The following TMLHE variants were observed in gnomAD, a reference collection of about 807,000 sequenced individuals.
TMLHE encodes the protein trimethyllysine dioxygenase, mitochondrial.
In TMLHE, 18 loss-of-function variants were observed where a neutral mutation model predicts 25.7. That is an observed-to-expected ratio of 0.70 (90% CI 0.48 to 1.04). The LOEUF is 1.04. TMLHE is among the 50% of genes least tolerant of loss of function. The pLI, the probability that TMLHE is intolerant of heterozygous loss-of-function variation, is 0.00. For synonymous variants in TMLHE, 105 were observed against 97.0 expected (o/e 1.08, Z -0.49); for missense variants, 236 against 259.0 (o/e 0.91, Z 0.61).
intron 1 of TMLHE, among the ~76,000 whole-genome samples, chrX:155,611,028 T>A (rs1451548809): frequency 8.9e-6 from 1 of 111,756 alleles, no homozygotes; most frequent in African/African-American, 3.3e-5. Flanking sequence ...AAATAGCCAA[T>A]GCAAAACTCA....
chrX:155,573,144 C>A (rs1281588269), intron 1 of TMLHE, among the ~76,000 whole-genome samples: 1 of 56,959 alleles, frequency 1.8e-5, no homozygotes, highest in African/African-American at 4.2e-5. Context: ...AAGAAAAAAA[C>A]AAACAACCCC....
At chrX:155,605,376 T>A (rs2067780783) in intron 1 of TMLHE, among the ~76,000 whole-genome samples, 1 of 111,754 alleles carries the variant, frequency 8.9e-6, no homozygotes. Context: ...AGATGCTCCA[T>A]CAAGCTAACA....
At chrX:155,579,251 T>G (rs1369370826) in intron 1 of TMLHE, among the ~76,000 whole-genome samples, 1 of 111,441 alleles carries the variant, frequency 9.0e-6, no homozygotes, top group Non-Finnish European at 1.9e-5. Context: ...TAGAAAAAAA[T>G]TATAAAATTC....
rs185579408 is a variant in TMLHE at position 155,597,353 on chromosome X, C to T, written c.-2+15439G>A. On this transcript the variant is annotated intron_variant, in intron 1 of 7. Coordinates refer to ENST00000334398, the MANE Select transcript of TMLHE (RefSeq NM_018196.4). The stretch of plus-strand genomic sequence containing the variant: ...TTAAAAAGTCAGGAAACAACAGGTG[C>T]TGGAGAGGATGTGGAGAAATAGGAA... Among the ~76,000 whole-genome samples, 754 of 110,768 alleles carry T rather than the reference C, an allele frequency of 6.8e-3. 6 individuals carry two copies. Among genetic ancestry groups the T allele is most frequent in the African/African-American group, 0.023 (715 of 30,434 alleles).
intron 1 of TMLHE, among the ~76,000 whole-genome samples, chrX:155,588,749 T>A (rs1376192818): frequency 9.0e-6 from 1 of 111,315 alleles, no homozygotes; most frequent in African/African-American, 3.3e-5. Flanking sequence ...ACATCCCTAA[T>A]CATCAGGGAA....
intron 1 of TMLHE, among the ~76,000 whole-genome samples, chrX:155,568,017 CCGAAGCAGGGCGAGGCA>C (rs2067517551): frequency 1.1e-4 from 7 of 61,194 alleles, no homozygotes; most frequent in African/African-American, 2.6e-4. Context: ...TGTGCACAAG[CCGAAGCAGGGCGAGGCA>C]TTGCCTCACT....
intron 1 of TMLHE, among the ~76,000 whole-genome samples, chrX:155,591,584 A>G (rs999141264): frequency 1.8e-5 from 2 of 112,085 alleles, no homozygotes; most frequent in East Asian, 5.5e-4. Flanking sequence ...TGAGCTAAAG[A>G]AGAAACCAAG....
At chrX:155,511,516 G>GT (rs2067112878) in intron 5 of TMLHE, among the ~76,000 whole-genome samples, 157 bp downstream of exon 5, 2 of 110,272 alleles carry the variant, frequency 1.8e-5, no homozygotes, top group Admixed American at 9.7e-5. Flanking sequence ...CTGAGTTAAG[G>GT]TATTTCAAAA....
rs1355650922 is a variant in TMLHE, at chrX:155,507,252, T to A, written c.759-118A>T. 1.1e-5 allele frequency: 6 copies of A among 535,289 alleles called. No homozygotes were observed. The East Asian group carries it at 1.8e-4, about 16-fold the overall frequency. The allele number at this position is 535,289 out of a possible 1,213,427, so 44.1% of individuals were successfully genotyped here. On this transcript the variant is annotated intron_variant, in intron 5 of 7. Transcript: ENST00000334398. ...TGTCATTTTCTTTTCATTTCCTAAT[T>A]GGAAATCTCATTTCTTAATTGTTTT...
In TMLHE at chrX:155,549,254, T is replaced by G. The variant is rs1557339603; in HGVS notation, c.-1-3977A>C. ...TGTTTTTTTGCTGCATTGTGCTCAC[T>G]AGTTAGGAGGAGTAAGCATGGACAA... On this transcript the variant is annotated intron_variant, in intron 1 of 7. Coordinates refer to ENST00000334398, the MANE Select transcript of TMLHE (RefSeq NM_018196.4). Among the ~76,000 whole-genome samples, 3 of 110,920 alleles carry G rather than the reference T, an allele frequency of 2.7e-5. 1 individual carries two copies. The highest frequency in any genetic ancestry group is 5.7e-5 in the Non-Finnish European group (3 of 53,041).
At chrX:155,577,118 G>A (rs1557343866) in intron 1 of TMLHE, among the ~76,000 whole-genome samples, 2 of 111,752 alleles carry the variant, frequency 1.8e-5, no homozygotes, top group Admixed American at 1.9e-4. Flanking sequence ...ATCTGACAAA[G>A]GTCTAATATC....
chrX:155,604,030 C>A (rs1557347611), intron 1 of TMLHE, among the ~76,000 whole-genome samples: 1 of 111,979 alleles, frequency 8.9e-6, no homozygotes, highest in Admixed American at 9.4e-5. Flanking sequence ...TTTACTTGCA[C>A]CTCCAACATG....
At chrX:155,511,637 T>G in intron 5 of TMLHE, 36 bp downstream of exon 5, 1 of 1,152,779 alleles carries the variant, frequency 8.7e-7, no homozygotes, top group Non-Finnish European at 1.2e-6. Context: ...CTATCACATA[T>G]AAAGACTTTA....
chrX:155,547,167 CG>C (rs1340382273), intron 1 of TMLHE, among the ~76,000 whole-genome samples: 5 of 101,983 alleles, frequency 4.9e-5, no homozygotes, highest in African/African-American at 1.8e-4. Context: ...TTTTTTGAGA[CG>C]GAGTCTTGCT....
intron 5 of TMLHE, among the ~76,000 whole-genome samples, chrX:155,509,883 CT>C (rs1332174697): frequency 8.9e-6 from 1 of 111,773 alleles, no homozygotes; most frequent in Non-Finnish European, 1.9e-5. Context: ...ACAGAGGTGC[CT>C]CTACTGAAGA....
intron 1 of TMLHE, among the ~76,000 whole-genome samples, chrX:155,598,473 G>A (rs191545848): frequency 9.4e-4 from 96 of 101,606 alleles, no homozygotes; most frequent in Middle Eastern, 0.011. Context: ...AACACCGCAT[G>A]TTCTCACTCA....
chrX:155,561,781 C>T (rs1441880053), intron 1 of TMLHE, among the ~76,000 whole-genome samples: 1 of 62,732 alleles, frequency 1.6e-5, no homozygotes, highest in Admixed American at 1.8e-4. Context: ...CCCAACAGGG[C>T]AGCCATTAAA....
At chrX:155,536,243 T>C (rs1341445927) in intron 2 of TMLHE, among the ~76,000 whole-genome samples, 1 of 111,459 alleles carries the variant, frequency 9.0e-6, no homozygotes, top group Non-Finnish European at 1.9e-5. Flanking sequence ...GCTTTGCACT[T>C]AGGACAATGC....
At chrX:155,532,110 C>T (rs1483681910) in intron 2 of TMLHE, among the ~76,000 whole-genome samples, 1 of 111,587 alleles carries the variant, frequency 9.0e-6, no homozygotes, top group Non-Finnish European at 1.9e-5. Context: ...AACAAATACA[C>T]AAAAATATGC....
Sources: gnomAD v4.1 joint callset for allele counts (sites outside exome capture counted in the v4.1 genomes callset) on GRCh38, gnomAD v4.1.1 for gene constraint, MANE v1.5 for transcripts, NCBI Gene and HGNC (gene_info 2026-07-23, HGNC 2026-07-21) for gene names.